Variants in RBFA observed in about 807,000 individuals in gnomAD.
The protein encoded by RBFA is putative ribosome-binding factor A, mitochondrial.
RBFA carries 16 observed loss-of-function variants against 27.9 expected under a neutral mutation model. The observed-to-expected ratio is 0.57, with a 90% CI of 0.39 to 0.87. The LOEUF (loss-of-function observed/expected upper bound fraction) is 0.87. Ranked by LOEUF, RBFA falls within the 40% of genes least tolerant of loss-of-function variation. RBFA has a pLI of 0.00. For synonymous variants in RBFA, 181 were observed against 181.0 expected, an observed-to-expected ratio of 1.00 and a Z score of 0.00; for missense variants, 456 against 432.1, an observed-to-expected ratio of 1.06 and a Z score of -0.49.
intron 5 of RBFA, among the ~76,000 whole-genome samples, chr18:80,043,903 GGTTA>G (rs1449263585): frequency 1.4e-4 from 22 of 152,238 alleles, no homozygotes; most frequent in African/African-American, 2.2e-4. Context: ...ACCAGTTAAT[GGTTA>G]GTTAGTTAAT....
At chr18:80,040,220 A>T (rs2052007268) in intron 4 of RBFA, among the ~76,000 whole-genome samples, 1 of 137,972 alleles carries the variant, frequency 7.2e-6, no homozygotes, top group South Asian at 2.5e-4. Flanking sequence ...CTTTTCCAAC[A>T]CATAACTGGG....
chr18:80,043,354 T>C (rs1273714732), intron 5 of RBFA, among the ~76,000 whole-genome samples: 1 of 152,228 alleles, frequency 6.6e-6, no homozygotes, highest in Non-Finnish European at 1.5e-5. Flanking sequence ...AAAAACATTG[T>C]ACAAGTAATA....
Position 80,045,856 on chromosome 18 carries a change from A to C in RBFA, c.733A>C (p.Asn245His), listed in dbSNP as rs3744872. Reference protein sequence around the residue: ...SLCGIDHEALNKQIMEYKRRK... With the variant: ...SLCGIDHEALHKQIMEYKRRK... ...GTGTGGGATCGATCATGAGGCGCTC[A>C]ACAAGCAGATTATGGAGTACAAAAG... The change falls in exon 7 of 7, where the codon AAC becomes CAC. Residue 245 changes from asparagine to histidine, a missense_variant. Transcript: ENST00000306735. 517,108 of 1,585,114 alleles carry C rather than the reference A, an allele frequency of 0.33. 88,855 individuals are homozygous for C. The highest frequency in any genetic ancestry group is 0.52 in the Admixed American group (29,324 of 56,714).
chr18:80,045,829 CTG>C lies in RBFA; in HGVS notation c.711_712del (p.Cys237TrpfsTer5), dbSNP rs1343813230. On this transcript the variant is annotated frameshift_variant, in exon 7 of 7. Transcript: ENST00000306735. LOFTEE classifies it low-confidence loss of function (END_TRUNC). Reference protein sequence around the residue: ...GTTEPTTSSSLCGIDHEALNK... With the variant: ...GTTEPTTSSSXCGIDHEALNK... ...CACAGAGCCGACCACAAGCTCCAGTCTGTGTGGGATCGATCATGAGGCGCTCA... is the reference window on the plus strand; with the variant it reads ...CACAGAGCCGACCACAAGCTCCAGTCTGTGGGATCGATCATGAGGCGCTCA... The C allele has an allele frequency of 5.2e-6, 8 of 1,537,938 alleles. No individual in the cohort carries two copies. Among genetic ancestry groups the C allele is most frequent in the Admixed American group, 4.1e-5 (2 of 49,326 alleles).
Position 80,049,063 on chromosome 18 carries a change from G to A in RBFA, c.*2908G>A, listed in dbSNP as rs963508930. Among the ~76,000 whole-genome samples the A allele has an allele frequency of 1.3e-5, 2 of 152,260 alleles. No individual in the cohort carries two copies. The highest frequency in any genetic ancestry group is 2.4e-5 in the African/African-American group (1 of 41,464). On this transcript the variant is annotated 3_prime_UTR_variant, in exon 7 of 7. Transcript: ENST00000306735. ...CACGTTTCAGAGAAAACTGGCTTAG[G>A]CCTCCCTGTTTCTGGCGTGGCCTTC...
In RBFA at chr18:80,038,544, T is replaced by TG; in HGVS notation, c.420dup (p.Lys141GlufsTer7). ...AGACTTCTCAGCCTGCCGAGCGTAC[T>TG]GGAAGACAACGCTCTCTGCTGAGCA... On this transcript the variant is annotated frameshift_variant, in exon 4 of 7. Coordinates refer to ENST00000306735, the MANE Select transcript of RBFA (RefSeq NM_024805.3). LOFTEE classifies it high-confidence loss of function. 1.9e-6 allele frequency: 3 copies of TG among 1,614,042 alleles called. No homozygotes were observed. The highest frequency in any genetic ancestry group is 1.7e-6 in the Non-Finnish European group (2 of 1,179,910).
chr18:80,036,784 G>A, intron 2 of RBFA, 74 bp downstream of exon 2: 1 of 1,110,300 alleles, frequency 9.0e-7, no homozygotes, highest in Non-Finnish European at 1.3e-6. Flanking sequence ...ACTCTTACCT[G>A]GAGGTCTTTC....
In RBFA at chr18:80,047,576, A is replaced by C. The variant is rs1295565587; in HGVS notation, c.*1421A>C. The stretch of plus-strand genomic sequence containing the variant: ...AGGAAATTATTTGTTTATACTCTAC[A>C]CTCTTATTTCCTATATCAGGATGGG... On this transcript the variant is annotated 3_prime_UTR_variant, in exon 7 of 7. Transcript: ENST00000306735. 6.6e-6 allele frequency among the ~76,000 whole-genome samples: 1 copy of C among 152,070 alleles called. No homozygotes were observed. Among genetic ancestry groups the C allele is most frequent in the African/African-American group, 2.4e-5 (1 of 41,390 alleles).
chr18:80,045,094 A>AC (rs1272750363), intron 6 of RBFA, among the ~76,000 whole-genome samples: 1 of 152,336 alleles, frequency 6.6e-6, no homozygotes, highest in East Asian at 1.9e-4. Flanking sequence ...CGTGGCCTTG[A>AC]CTAGGTGCTG....
At chr18:80,045,525 C>T (rs1289441926) in intron 6 of RBFA, among the ~76,000 whole-genome samples, 2 of 152,092 alleles carry the variant, frequency 1.3e-5, no homozygotes, top group African/African-American at 4.8e-5. Flanking sequence ...GTGCCCGGCG[C>T]AAATGCATTT....
chr18:80,037,626 A>C, intron 3 of RBFA, 120 bp downstream of exon 3: 6 of 833,260 alleles, frequency 7.2e-6, no homozygotes, highest in Non-Finnish European at 1.1e-5. Context: ...GCGGTGGCTC[A>C]CGCCTGTAAT....
intron 4 of RBFA, among the ~76,000 whole-genome samples, chr18:80,040,963 A>G (rs1166363517): frequency 1.9e-4 from 29 of 152,180 alleles, no homozygotes; most frequent in Non-Finnish European, 4.4e-5. Flanking sequence ...AGAAATCCAA[A>G]TCCAGCTCAC....
At chr18:80,040,011 G>T (rs572407494) in intron 4 of RBFA, among the ~76,000 whole-genome samples, 1 of 152,212 alleles carries the variant, frequency 6.6e-6, no homozygotes, top group East Asian at 1.9e-4. Context: ...CCGGGTTCAA[G>T]TGATTCTCAT....
Position 80,045,863 on chromosome 18 carries a change from A to G in RBFA, c.740A>G (p.Gln247Arg). 2 of 1,592,442 alleles carry G rather than the reference A, an allele frequency of 1.3e-6. No homozygotes were observed. Among genetic ancestry groups the G allele is most frequent in the Non-Finnish European group, 1.7e-6 (2 of 1,169,164 alleles). The change falls in exon 7 of 7, where the codon CAG becomes CGG. Residue 247 changes from glutamine (Q) to arginine (R), a missense_variant. Gln to Arg is a conservative substitution (Grantham distance 43, BLOSUM62 1). Transcript: ENST00000306735. ...CGIDHEALNK[Q>R]IMEYKRRKDK... is the part of the protein sequence containing the mutation. ...ATCGATCATGAGGCGCTCAACAAGC[A>G]GATTATGGAGTACAAAAGGAGGAAA...
At position 80,048,095 on chromosome 18, in the gene RBFA, C is replaced by T. The variant is rs776877939; in HGVS notation, c.*1940C>T. 3 of 152,242 alleles carry T rather than the reference C, an allele frequency of 2.0e-5. No individual in the cohort carries two copies. Among genetic ancestry groups the T allele is most frequent in the Non-Finnish European group, 4.4e-5 (3 of 68,048 alleles). The allele number at this position is 152,242 out of a possible 1,614,324, so 9.4% of individuals were successfully genotyped here. A position where few individuals can be genotyped will look rare whatever the true frequency, so the allele number is the denominator to read the frequency against. ...TTTACGAGCGCAACATCCTAAAAAA[C>T]GTTTTTGTATTTCCCTAGCAAGATA... On this transcript the variant is annotated 3_prime_UTR_variant, in exon 7 of 7. Transcript: ENST00000306735.
intron 1 of RBFA, chr18:80,034,964 A>C: frequency 3.1e-6 from 1 of 326,858 alleles, no homozygotes; most frequent in Non-Finnish European, 5.6e-6. Flanking sequence ...TTCCTTGCTA[A>C]TGTTGACTTT....
chr18:80,040,261 T>G (rs1045149065), intron 4 of RBFA, among the ~76,000 whole-genome samples: 4 of 126,374 alleles, frequency 3.2e-5, no homozygotes, highest in African/African-American at 8.6e-5. Flanking sequence ...TTTTTTTTGC[T>G]TTTTTTGAGA....
rs1386337858 is a variant in RBFA, at chr18:80,034,663, CG to C, written c.158+15del. On this transcript the variant is annotated intron_variant, in intron 1 of 6. Coordinates refer to ENST00000306735, the MANE Select transcript of RBFA (RefSeq NM_024805.3). ...TTGCCTCGAAAACCAAGTAATGCGG[CG>C]GGGGCGGTGTCCCTGGGCGCGGTAT... is the stretch of plus-strand genomic sequence containing the variant. 1 of 1,607,184 alleles carries C rather than the reference CG, an allele frequency of 6.2e-7. No homozygotes were observed.
Position 80,048,057 on chromosome 18 carries a change from T to C in RBFA, c.*1902T>C, listed in dbSNP as rs2052068574. On this transcript the variant is annotated 3_prime_UTR_variant, in exon 7 of 7. Transcript: ENST00000306735. ...GACCTCCCCATCCTGATGTAGGAAATGAATGGTGATGATTTACGAGCGCAA... is the reference window on the plus strand; with the variant it reads ...GACCTCCCCATCCTGATGTAGGAAACGAATGGTGATGATTTACGAGCGCAA... The C allele has an allele frequency of 6.6e-6, 1 of 152,238 alleles. No individual in the cohort carries two copies. Among genetic ancestry groups the C allele is most frequent in the African/African-American group, 2.4e-5 (1 of 41,466 alleles). The allele number at this position is 152,238 out of a possible 1,614,324, so 9.4% of individuals were successfully genotyped here.
Sources: gnomAD v4.1 joint callset for allele counts (sites outside exome capture counted in the v4.1 genomes callset) on GRCh38, gnomAD v4.1.1 for gene constraint, MANE v1.5 for transcripts, NCBI Gene and HGNC (gene_info 2026-07-23, HGNC 2026-07-21) for gene names.